AGTPBP1: variants seen among roughly 807,000 people sequenced by gnomAD.
AGTPBP1 encodes the protein cytosolic carboxypeptidase 1.
In AGTPBP1, 70 loss-of-function variants were observed where a neutral mutation model predicts 143.9. The ratio of observed to expected loss-of-function variants is 0.49; its 90% CI spans 0.40 to 0.59. The LOEUF is 0.59. Ranked by LOEUF, AGTPBP1 falls within the 20% of genes least tolerant of loss-of-function variation. AGTPBP1 has a pLI of 0.00. For synonymous variants in AGTPBP1, 463 were observed against 500.2 expected, an observed-to-expected ratio of 0.93 and a Z score of 0.99; for missense variants, 1,229 against 1,464.5, an observed-to-expected ratio of 0.84 and a Z score of 2.62.
intron 2 of AGTPBP1, among the ~76,000 whole-genome samples, chr9:85,703,603 G>A (rs1394781248): frequency 6.6e-6 from 1 of 152,226 alleles, no homozygotes; most frequent in African/African-American, 2.4e-5. Context: ...TCATTTCACT[G>A]AGTCAGAGTA....
chr9:85,550,723 G>A (rs1385782260), intron 25 of AGTPBP1, among the ~76,000 whole-genome samples: 4 of 152,058 alleles, frequency 2.6e-5, no homozygotes, highest in Non-Finnish European at 5.9e-5. Flanking sequence ...TCCCCACCAA[G>A]CCCAATCCTC....
intron 1 of AGTPBP1, among the ~76,000 whole-genome samples, chr9:85,727,951 C>T (rs1838612230): frequency 6.6e-6 from 1 of 151,472 alleles, no homozygotes; most frequent in Non-Finnish European, 1.5e-5. Context: ...ATCCCTGAGT[C>T]CAGGAGTTCA....
At chr9:85,764,707 G>C in the AGTPBP1 span, 4 of 1,133,972 alleles carry the variant, frequency 3.5e-6, no homozygotes, top group African/African-American at 6.1e-5. Context: ...GTATCTTTTA[G>C]GCCTTAAACA....
chr9:85,626,620 T>C (rs895512252), intron 14 of AGTPBP1, among the ~76,000 whole-genome samples: 4 of 152,184 alleles, frequency 2.6e-5, no homozygotes, highest in African/African-American at 7.2e-5. Flanking sequence ...CTGAACTATA[T>C]TTGATATTTT....
At chr9:85,770,735 T>C in the AGTPBP1 span, among the ~76,000 whole-genome samples, 1 of 152,116 alleles carries the variant, frequency 6.6e-6, no homozygotes, top group African/African-American at 2.4e-5. Flanking sequence ...AAGAAGTCCT[T>C]TTTGAAAGTT....
At chr9:85,593,889 A>C (rs1309935841) in intron 18 of AGTPBP1, among the ~76,000 whole-genome samples, 44 of 152,240 alleles carry the variant, frequency 2.9e-4, no homozygotes, top group Admixed American at 2.9e-3. Context: ...CTTAATTTCT[A>C]AAATTCTGAA....
chr9:85,766,110 A>G, the AGTPBP1 span, among the ~76,000 whole-genome samples: 3 of 146,716 alleles, frequency 2.0e-5, no homozygotes, highest in Non-Finnish European at 4.5e-5. Context: ...ACTAAGCTCT[A>G]TAGAAGATAG....
the AGTPBP1 span, among the ~76,000 whole-genome samples, chr9:85,752,222 G>A: frequency 4.0e-5 from 6 of 151,852 alleles, no homozygotes; most frequent in Non-Finnish European, 8.8e-5. Context: ...GGGTGACAGA[G>A]TGAGACTTTG....
At chr9:85,556,734 T>C (rs1354978469) in intron 25 of AGTPBP1, among the ~76,000 whole-genome samples, 2 of 152,184 alleles carry the variant, frequency 1.3e-5, no homozygotes, top group African/African-American at 2.4e-5. Flanking sequence ...AGACATTTTA[T>C]GATAAAGAGA....
intron 17 of AGTPBP1, among the ~76,000 whole-genome samples, chr9:85,607,483 C>T (rs944303946): frequency 1.3e-5 from 2 of 152,110 alleles, no homozygotes; most frequent in Non-Finnish European, 2.9e-5. Flanking sequence ...CCAGTCTATT[C>T]AACCTGATAT....
At chr9:85,646,552 C>A in intron 11 of AGTPBP1, 134 bp from the exon 12 acceptor site, 1 of 639,236 alleles carries the variant, frequency 1.6e-6, no homozygotes. Context: ...TATTTAACAT[C>A]TCTCTAAGGC....
At chr9:85,786,133 G>T in the AGTPBP1 span, 48 of 1,608,692 alleles carry the variant, frequency 3.0e-5, no homozygotes, top group South Asian at 5.3e-4. Context: ...CCTGAAGCCA[G>T]AAGGAGGCAT....
chr9:85,691,536 GGTGTGTGTGT>G (rs58713865), intron 3 of AGTPBP1, among the ~76,000 whole-genome samples: 83 of 144,544 alleles, frequency 5.7e-4, no homozygotes, highest in Middle Eastern at 3.6e-3. Context: ...AAAAAAAGAG[GGTGTGTGTGT>G]GTGTGTGTGT....
At chr9:85,762,097 C>T in the AGTPBP1 span, among the ~76,000 whole-genome samples, 79 of 151,510 alleles carry the variant, frequency 5.2e-4, no homozygotes, top group African/African-American at 1.7e-3. Context: ...GTTAGAATGG[C>T]GATCATTAAA....
At chr9:85,689,566 A>G (rs1835705490) in intron 3 of AGTPBP1, among the ~76,000 whole-genome samples, 2 of 152,080 alleles carry the variant, frequency 1.3e-5, no homozygotes, top group African/African-American at 2.4e-5. Flanking sequence ...GAATATCTCT[A>G]TACTCTCTCT....
chr9:85,718,441 G>T (rs1837866056), intron 1 of AGTPBP1, among the ~76,000 whole-genome samples: 1 of 152,100 alleles, frequency 6.6e-6, no homozygotes, highest in African/African-American at 2.4e-5. Flanking sequence ...ATTTTTTCAT[G>T]TGTCTGTTGA....
the AGTPBP1 span, among the ~76,000 whole-genome samples, chr9:85,798,154 A>C: frequency 5.3e-5 from 8 of 150,374 alleles, no homozygotes; most frequent in Middle Eastern, 3.4e-3. Context: ...CACCTGCCTC[A>C]GCCTCCCAAA....
intron 17 of AGTPBP1, among the ~76,000 whole-genome samples, chr9:85,603,919 G>A (rs1479265276): frequency 6.6e-6 from 1 of 152,208 alleles, no homozygotes; most frequent in East Asian, 1.9e-4. Flanking sequence ...AGAGATGGAA[G>A]AGTGGGAAGA....
intron 23 of AGTPBP1, 57 bp downstream of exon 23, chr9:85,585,406 C>A: frequency 6.9e-7 from 1 of 1,458,128 alleles, no homozygotes; most frequent in Non-Finnish European, 9.1e-7. Flanking sequence ...ATGTTCTTTT[C>A]TGTACTTTTA....
Sources: allele counts gnomAD v4.1 joint callset (sites outside exome capture counted in the v4.1 genomes callset), GRCh38; gene constraint gnomAD v4.1.1; transcripts MANE v1.5; gene names NCBI Gene and HGNC (gene_info 2026-07-23, HGNC 2026-07-21).